SCN1A: variants seen among roughly 807,000 people sequenced by gnomAD.
SCN1A encodes the protein sodium voltage-gated channel alpha subunit 1.
In SCN1A, 13 loss-of-function variants were observed where a neutral mutation model predicts 193.7. The observed-to-expected ratio is 0.07, with a 90% CI of 0.04 to 0.11. The LOEUF is 0.11. Among genes scored for constraint, SCN1A ranks in the 10% least tolerant of loss-of-function variants. SCN1A has a pLI of 1.00. For synonymous variants in SCN1A, 781 were observed against 843.6 expected, an observed-to-expected ratio of 0.93 and a Z score of 1.29; for missense variants, 1,432 against 2,451.1, an observed-to-expected ratio of 0.58 and a Z score of 8.78.
chr2:166,006,883 T>C (rs375736549), intron 23 of SCN1A, among the ~76,000 whole-genome samples: 1 of 151,260 alleles, frequency 6.6e-6, no homozygotes, highest in South Asian at 2.1e-4. Flanking sequence ...CTTAACAAGT[T>C]AAATTGTTTT....
chr2:166,049,995 T>C (rs1698341066), intron 9 of SCN1A, among the ~76,000 whole-genome samples: 1 of 152,048 alleles, frequency 6.6e-6, no homozygotes, highest in South Asian at 2.1e-4. Flanking sequence ...AGGAATTTAT[T>C]CCATACATAG....
At chr2:166,127,151 C>T (rs981086748) in intron 1 of SCN1A, 141 bp from the exon 2 acceptor site, 5 of 152,192 alleles carry the variant, frequency 3.3e-5, no homozygotes, top group Admixed American at 3.3e-4. Flanking sequence ...CCACTCTGCT[C>T]AAGCTCTTTT....
intron 23 of SCN1A, among the ~76,000 whole-genome samples, chr2:166,003,595 G>T (rs547733114): frequency 6.6e-6 from 1 of 150,782 alleles, no homozygotes; most frequent in East Asian, 2.0e-4. Context: ...AATCTTGAGT[G>T]TTCATGTTTG....
rs1689442622 is a variant in SCN1A at position 165,992,787 on chromosome 2, AC to A, written c.4853-366del. The stretch of plus-strand genomic sequence containing the variant: ...GGTACAAGTTTATATGTATACAGTG[AC>A]TTTTTCTGAAATTGCCATATTCTAA... On this transcript the variant is annotated intron_variant, in intron 28 of 28. Coordinates refer to ENST00000674923, the MANE Select transcript of SCN1A (RefSeq NM_001165963.4). This position sits in a 1 kb window ranked among gnomAD's most constrained non-coding sequence, Gnocchi z 6.5. 6.5e-6 allele frequency: 1 copy of A among 153,920 alleles called. No individual in the cohort carries two copies. The highest frequency in any genetic ancestry group is 1.4e-5 in the Non-Finnish European group (1 of 69,566). 9.5% of individuals were successfully genotyped at this position (153,920 alleles called of 1,614,324 possible). A position where few individuals can be genotyped will look rare whatever the true frequency, so the allele number is the denominator to read the frequency against.
chr2:166,003,297 A>C (rs1691192391), intron 23 of SCN1A, among the ~76,000 whole-genome samples: 1 of 151,552 alleles, frequency 6.6e-6, no homozygotes, highest in Non-Finnish European at 1.5e-5. Context: ...TAATTTTTGC[A>C]TAAGAAGCAA....
chr2:166,052,400 G>A (rs7588475), intron 8 of SCN1A, among the ~76,000 whole-genome samples: 10,875 of 151,830 alleles, frequency 0.072, 1,356 homozygotes, highest in African/African-American at 0.25. Flanking sequence ...CTGTACAACC[G>A]AAAATGGTCT....
At chr2:166,121,005 T>C (rs962046110) in intron 2 of SCN1A, among the ~76,000 whole-genome samples, 1 of 151,768 alleles carries the variant, frequency 6.6e-6, no homozygotes, top group Non-Finnish European at 1.5e-5. Flanking sequence ...GTCAAGGAAC[T>C]GTTAGTTAAG....
At chr2:166,102,888 G>A (rs911820166) in intron 2 of SCN1A, among the ~76,000 whole-genome samples, 9 of 152,164 alleles carry the variant, frequency 5.9e-5, no homozygotes, top group African/African-American at 1.9e-4. Context: ...ACAAAAGCAT[G>A]TCCTTTGAAG....
chr2:166,141,760 G>A (rs765372160), intron 1 of SCN1A, among the ~76,000 whole-genome samples: 8 of 149,878 alleles, frequency 5.3e-5, no homozygotes, highest in East Asian at 3.9e-4. Flanking sequence ...CAAACAATGC[G>A]GATGTATACA....
intron 2 of SCN1A, among the ~76,000 whole-genome samples, chr2:166,113,435 T>C (rs150724398): frequency 6.6e-6 from 1 of 152,232 alleles, no homozygotes; most frequent in Non-Finnish European, 1.5e-5. Context: ...TCTGACCAAC[T>C]TCCTGACTGT....
chr2:166,079,921 A>G (rs1413054931), intron 2 of SCN1A, among the ~76,000 whole-genome samples: 1 of 151,474 alleles, frequency 6.6e-6, no homozygotes, highest in Admixed American at 6.6e-5. Flanking sequence ...TTCTATTCAA[A>G]TGCTACCTAA....
chr2:166,000,895 G>GTTT (rs35503358), intron 24 of SCN1A, among the ~76,000 whole-genome samples: 1 of 139,554 alleles, frequency 7.2e-6, no homozygotes, highest in Non-Finnish European at 1.6e-5. Context: ...ATTTTAGAGG[G>GTTT]TTTTTTTTTT....
chr2:166,134,982 C>T (rs1001895571), intron 1 of SCN1A, among the ~76,000 whole-genome samples: 1 of 152,122 alleles, frequency 6.6e-6, no homozygotes, highest in Admixed American at 6.5e-5. Flanking sequence ...CCTGAGCAAT[C>T]ATAAAGAATG....
chr2:166,056,741 C>T (rs1300963885), intron 5 of SCN1A, among the ~76,000 whole-genome samples: 2 of 151,936 alleles, frequency 1.3e-5, no homozygotes, highest in African/African-American at 4.8e-5. Flanking sequence ...AGCATTATAT[C>T]AGTATAAGGT....
Position 166,056,487 on chromosome 2 carries a change from G to T in SCN1A, c.397C>A (p.Leu133Ile). 6.3e-7 allele frequency: 1 copy of T among 1,594,472 alleles called. No individual in the cohort carries two copies. The highest frequency in any genetic ancestry group is 8.6e-7 in the Non-Finnish European group (1 of 1,162,428). Residue 133 changes from leucine to isoleucine, a missense_variant, in exon 6 of 29, where the codon CTA becomes ATA. Physicochemically the swap from Leu to Ile is conservative, Grantham distance 5. Around this residue, in one of 18 missense-constraint regions of SCN1A, gnomAD observed 123 missense variants for 282.8 expected, o/e 0.43. Transcript: ENST00000674923. ...TTTGTCAAAATAGTGCACATAATTA[G>T]CATGCTGAATAATGTAGGTTATTGT... Reference protein sequence around the residue: ...KILVHSLFSMLIMCTILTNCV... With the variant: ...KILVHSLFSMIIMCTILTNCV...
At chr2:166,036,627 T>C in intron 18 of SCN1A, 97 bp from the exon 19 acceptor site, 1 of 1,298,412 alleles carries the variant, frequency 7.7e-7, no homozygotes, top group Non-Finnish European at 1.1e-6. Context: ...GAAAAAACTC[T>C]AAGTTCTAAA....
intron 2 of SCN1A, among the ~76,000 whole-genome samples, chr2:166,085,787 G>T (rs1042244300): frequency 2.6e-5 from 4 of 152,038 alleles, no homozygotes; most frequent in Non-Finnish European, 4.4e-5. Context: ...AATTCATTTG[G>T]TTCAGATTCT....
chr2:166,055,789 C>G (rs1359397965), intron 6 of SCN1A, among the ~76,000 whole-genome samples: 2 of 151,918 alleles, frequency 1.3e-5, no homozygotes, highest in Non-Finnish European at 2.9e-5. Context: ...TCGAAGGTAT[C>G]CCCAGAACAG....
intron 2 of SCN1A, among the ~76,000 whole-genome samples, chr2:166,122,077 G>A (rs796137377): frequency 1.4e-4 from 22 of 152,270 alleles, no homozygotes; most frequent in African/African-American, 5.3e-4. Flanking sequence ...CGAGCCTCCA[G>A]AACTGTGATA....
Sources: gnomAD v4.1 joint callset for allele counts (sites outside exome capture counted in the v4.1 genomes callset) on GRCh38, gnomAD v4.1.1 for gene constraint, gnomAD v4.1.1 regional missense constraint, Gnocchi (gnomAD v3.1) non-coding constraint, MANE v1.5 for transcripts, NCBI Gene and HGNC (gene_info 2026-07-23, HGNC 2026-07-21) for gene names.